Variants in OAS2 observed in about 807,000 individuals in gnomAD.
OAS2 encodes 2'-5'-oligoadenylate synthase 2.
A neutral mutation model predicts 71.3 loss-of-function variants in OAS2; 67 were observed. That is an observed-to-expected ratio of 0.94 (90% confidence interval 0.77 to 1.15). OAS2 has a LOEUF of 1.15. OAS2 is among the 50% of genes most tolerant of loss of function. The probability of loss-of-function intolerance (pLI) is 0.00; values close to 1 mark genes in which losing one functional copy is unlikely to be tolerated. For missense variants in OAS2, 789 were observed against 822.5 expected, an observed-to-expected ratio of 0.96 and a Z score of 0.50; for synonymous variants, 327 against 321.8, an observed-to-expected ratio of 1.02 and a Z score of -0.17.
chr12:113,007,417 T>A (rs1234704224), intron 8 of OAS2, among the ~76,000 whole-genome samples: 3 of 152,190 alleles, frequency 2.0e-5, no homozygotes, highest in African/African-American at 7.2e-5. Context: ...AGATTAGGAA[T>A]GATGTGGGTA....
intron 7 of OAS2, among the ~76,000 whole-genome samples, chr12:113,005,883 C>T (rs1020812773): frequency 9.4e-6 from 1 of 106,236 alleles, no homozygotes; most frequent in African/African-American, 4.2e-5. Flanking sequence ...CAGAGCAAAA[C>T]TCTGTCTCAA....
At chr12:112,991,602 A>T (rs932929318) in intron 2 of OAS2, among the ~76,000 whole-genome samples, 2 of 152,222 alleles carry the variant, frequency 1.3e-5, no homozygotes, top group African/African-American at 4.8e-5. Context: ...TAGATAAGAG[A>T]CCAATGGTTG....
rs774376466 is a variant in OAS2 at position 113,005,120 on chromosome 12, C to T, written c.1366C>T (p.Pro456Ser). 3.1e-6 allele frequency: 5 copies of T among 1,614,010 alleles called. No individual in the cohort carries two copies. Among genetic ancestry groups the T allele is most frequent in the Non-Finnish European group, 3.4e-6 (4 of 1,180,014 alleles). Reference protein sequence around the residue: ...KEEELEVSFEPPKWKAPRVLS... With the variant: ...KEEELEVSFESPKWKAPRVLS... ...GGAGGAGCTTGAAGTCAGCTTTGAGCCTCCCAAGTGGAAGGCTCCCAGGGT... is the reference window on the plus strand; with the variant it reads ...GGAGGAGCTTGAAGTCAGCTTTGAGTCTCCCAAGTGGAAGGCTCCCAGGGT... Residue 456 changes from proline (P) to serine (S), a missense_variant, in exon 7 of 10, where the codon CCT (proline) becomes TCT (serine). Physicochemically the swap from Pro to Ser is moderately conservative, Grantham distance 74. Coordinates refer to ENST00000392583, the MANE Select transcript of OAS2 (RefSeq NM_002535.3).
At chr12:113,001,431 T>C (rs561671351) in intron 5 of OAS2, among the ~76,000 whole-genome samples, 1 of 144,980 alleles carries the variant, frequency 6.9e-6, no homozygotes, top group African/African-American at 2.6e-5. Flanking sequence ...TATATGCACA[T>C]ATATATACAC....
At chr12:113,006,220 G>A (rs2044333724) in intron 7 of OAS2, among the ~76,000 whole-genome samples, 193 bp from the exon 8 acceptor site, 1 of 152,160 alleles carries the variant, frequency 6.6e-6, no homozygotes, top group Non-Finnish European at 1.5e-5. Context: ...AGCTGCACCT[G>A]TGTAGACCAC....
rs1254354044 is a variant in OAS2, at chr12:112,987,252, T to C, written c.392T>C (p.Val131Ala). The change falls in exon 2 of 10, where the codon GTG becomes GCG. Residue 131 changes from valine (V) to alanine (A), a missense_variant. Transcript: ENST00000392583. ...TCCCTTGATGGGTTCACCATCCAGGTGTTCACAAAAAATCAGAGAATCTCT... is the reference window on the plus strand; with the variant it reads ...TCCCTTGATGGGTTCACCATCCAGGCGTTCACAAAAAATCAGAGAATCTCT... ...QKSLDGFTIQVFTKNQRISFE... is the reference protein window; with the variant it reads ...QKSLDGFTIQAFTKNQRISFE... The C allele has an allele frequency of 6.2e-7, 1 of 1,614,078 alleles. No homozygotes were observed.
chr12:112,984,553 A>G (rs975763982), intron 1 of OAS2, among the ~76,000 whole-genome samples: 2 of 152,042 alleles, frequency 1.3e-5, no homozygotes, highest in African/African-American at 2.4e-5. Flanking sequence ...GAGAATTTAA[A>G]CCGTTGTTAA....
Position 113,009,135 on chromosome 12 carries a change from G to T in OAS2, c.1944G>T (p.Gly648=). The change falls in exon 10 of 10, where the codon GGG becomes GGT. Residue 648 remains glycine (G), a synonymous_variant. Transcript: ENST00000392583. ...AACCCACAGGTGACGTGGGTGGAGG[G>T]GACCGTTGGTGTTGGCATCTTCTGG... ...PAEPTGDVGG[G]DRWCWHLLAK... is the part of the protein sequence containing the mutation. 1 of 1,613,964 alleles carries T rather than the reference G, an allele frequency of 6.2e-7. No individual in the cohort carries two copies. Among genetic ancestry groups the T allele is most frequent in the Admixed American group, 1.7e-5 (1 of 59,998 alleles).
intron 7 of OAS2, 124 bp downstream of exon 7, chr12:113,005,346 C>T (rs2044322366): frequency 1.5e-5 from 14 of 922,798 alleles, no homozygotes; most frequent in Non-Finnish European, 2.3e-5. Context: ...CAGCAAGTGG[C>T]ATTAGTCATG....
intron 2 of OAS2, among the ~76,000 whole-genome samples, chr12:112,990,107 G>A (rs1196713415): frequency 6.6e-6 from 1 of 152,262 alleles, no homozygotes; most frequent in South Asian, 2.1e-4. Context: ...GCCTCTAATG[G>A]CTTTTCACTG....
rs2044052384 is a variant in OAS2, at chr12:112,978,781, C to T, written c.173C>T (p.Ala58Val). The T allele has an allele frequency of 6.2e-7, 1 of 1,612,174 alleles. No individual in the cohort carries two copies. The highest frequency in any genetic ancestry group is 8.5e-7 in the Non-Finnish European group (1 of 1,178,754). The change falls in exon 1 of 10, where the codon GCC becomes GTC. Residue 58 changes from alanine (A) to valine (V), a missense_variant. Physicochemically the swap from Ala to Val is moderately conservative, Grantham distance 64 (BLOSUM62 0). Coordinates refer to ENST00000392583, the MANE Select transcript of OAS2 (RefSeq NM_002535.3). This position sits in a 1 kb window ranked among gnomAD's most constrained non-coding sequence, Gnocchi z 4.2. The part of the protein sequence containing the change: ...PEQFPLVQGV[A>V]IGGSYGRKTV... ...CAGTTCCCCCTGGTGCAGGGAGTGG[C>T]CATAGTGAGTCCAGGGCTGAGGTTG... is the stretch of plus-strand genomic sequence containing the variant.
chr12:113,009,514 A>G lies in OAS2; in HGVS notation c.*259A>G. 1 of 1,167,008 alleles carries G rather than the reference A, an allele frequency of 8.6e-7. No individual in the cohort carries two copies. The highest frequency in any genetic ancestry group is 1.1e-6 in the Non-Finnish European group (1 of 946,488). The allele number at this position is 1,167,008 out of a possible 1,614,324, so 72.3% of individuals were successfully genotyped here. On this transcript the variant is annotated 3_prime_UTR_variant, in exon 10 of 10. Coordinates refer to ENST00000392583, the MANE Select transcript of OAS2 (RefSeq NM_002535.3). ...TAGCCCTCCTCTCCCAGTGACAACC[A>G]AAAGTCTTCAGACATTGTCAAACGT...
At chr12:112,979,435 C>A (rs1292719439) in intron 1 of OAS2, among the ~76,000 whole-genome samples, 1 of 152,162 alleles carries the variant, frequency 6.6e-6, no homozygotes, top group Non-Finnish European at 1.5e-5. Context: ...TGGTCTCTAC[C>A]CCTTGCACAC....
chr12:112,998,234 A>G, intron 4 of OAS2, 32 bp from the exon 5 acceptor site: 2 of 1,601,112 alleles, frequency 1.2e-6, no homozygotes, highest in Non-Finnish European at 1.7e-6. Flanking sequence ...AAGCAGCTCA[A>G]CTGACTTTTT....
chr12:112,993,997 A>C (rs375235063), intron 2 of OAS2, among the ~76,000 whole-genome samples: 6 of 152,074 alleles, frequency 3.9e-5, no homozygotes, highest in African/African-American at 9.7e-5. Flanking sequence ...TTTAATGAAC[A>C]TAGAAATTGA....
At chr12:112,984,883 C>T (rs964697209) in intron 1 of OAS2, among the ~76,000 whole-genome samples, 1 of 152,024 alleles carries the variant, frequency 6.6e-6, no homozygotes, top group Non-Finnish European at 1.5e-5. Flanking sequence ...CTGGGAAAGA[C>T]TTTGTTTCTC....
intron 7 of OAS2, among the ~76,000 whole-genome samples, chr12:113,006,021 A>G (rs2044332170): frequency 6.6e-6 from 1 of 150,394 alleles, no homozygotes. Context: ...GTCGTCCCAG[A>G]GATCTTTCTG....
Position 112,995,315 on chromosome 12 carries a change from C to T in OAS2, c.468C>T (p.Ser156=), listed in dbSNP as rs764324032. Residue 156 remains serine (S), a synonymous_variant, in exon 3 of 10, where the codon AGC becomes AGT. Coordinates refer to ENST00000392583, the MANE Select transcript of OAS2 (RefSeq NM_002535.3). ...CATCAGGCTTAAATGATAATCCCAG[C>T]CCCTGGATCTATCGAGAGCTCAAAA... ...FNALSLNDNP[S]PWIYRELKRS... The T allele has an allele frequency of 1.9e-5, 31 of 1,611,132 alleles. No individual in the cohort carries two copies. The South Asian group carries it at 2.0e-4, about 10-fold the overall frequency.
chr12:112,978,790 G>A lies in OAS2; in HGVS notation c.177+5G>A, dbSNP rs2044052504. 1 of 1,602,240 alleles carries A rather than the reference G, an allele frequency of 6.2e-7. No individual in the cohort carries two copies. The highest frequency in any genetic ancestry group is 1.3e-5 in the African/African-American group (1 of 74,574). Reference sequence around the variant, plus strand: ...CTGGTGCAGGGAGTGGCCATAGTGAGTCCAGGGCTGAGGTTGGGTCTCTGG... The same window carrying A: ...CTGGTGCAGGGAGTGGCCATAGTGAATCCAGGGCTGAGGTTGGGTCTCTGG... On this transcript the variant is annotated splice_donor_5th_base_variant and intron_variant, in intron 1 of 9. Coordinates refer to ENST00000392583, the MANE Select transcript of OAS2 (RefSeq NM_002535.3). The surrounding 1 kb of genome is among the most constrained non-coding windows in gnomAD (Gnocchi z 4.2).
Sources: gnomAD v4.1 joint callset for allele counts (sites outside exome capture counted in the v4.1 genomes callset) on GRCh38, gnomAD v4.1.1 for gene constraint, Gnocchi (gnomAD v3.1) non-coding constraint, MANE v1.5 for transcripts, NCBI Gene and HGNC (gene_info 2026-07-23, HGNC 2026-07-21) for gene names.